GRM7: variants seen among roughly 807,000 people sequenced by gnomAD.
The protein encoded by GRM7 is glutamate metabotropic receptor 7.
In GRM7, 35 loss-of-function variants were observed where a neutral mutation model predicts 84.5. The observed-to-expected ratio is 0.41, with a 90% confidence interval of 0.32 to 0.55. GRM7 has a LOEUF of 0.55. Ranked by LOEUF, GRM7 falls within the 20% of genes least tolerant of loss-of-function variation. The probability of loss-of-function intolerance (pLI) is 0.19; values close to 1 mark genes in which losing one functional copy is unlikely to be tolerated. For synonymous variants in GRM7, 487 were observed against 455.1 expected, an observed-to-expected ratio of 1.07 and a Z score of -0.89; for missense variants, 1,003 against 1,194.6, an observed-to-expected ratio of 0.84 and a Z score of 2.36.
chr3:7,224,330 G>T (rs940264194), intron 2 of GRM7, among the ~76,000 whole-genome samples: 4 of 152,092 alleles, frequency 2.6e-5, no homozygotes, highest in Non-Finnish European at 5.9e-5. Flanking sequence ...ATGAGAATTT[G>T]CTCATTATCA....
intron 1 of GRM7, among the ~76,000 whole-genome samples, chr3:6,991,628 A>G (rs946558841): frequency 1.3e-5 from 2 of 152,086 alleles, no homozygotes; most frequent in African/African-American, 4.8e-5. Context: ...ATTTTTTTCC[A>G]ACTTTATTGA....
chr3:7,625,821 A>C (rs1697581767), intron 8 of GRM7, among the ~76,000 whole-genome samples: 1 of 152,202 alleles, frequency 6.6e-6, no homozygotes. Flanking sequence ...CAAAGGTAGG[A>C]CTTCTAAAGA....
intron 1 of GRM7, among the ~76,000 whole-genome samples, chr3:7,015,835 G>T (rs1176558689): frequency 6.6e-6 from 1 of 152,202 alleles, no homozygotes; most frequent in African/African-American, 2.4e-5. Flanking sequence ...GCAAGAAGGA[G>T]GCCAGAGTGC....
chr3:6,878,496 TG>T lies in GRM7; in HGVS notation c.519+16590del, dbSNP rs1326138814. ...CATCTAGTTTAATGAGCAAATGCTTTGTGTCTGGGACTGCAGCATGCACTAG... is the reference window on the plus strand; with the variant it reads ...CATCTAGTTTAATGAGCAAATGCTTTTGTCTGGGACTGCAGCATGCACTAG... On this transcript the variant is annotated intron_variant, in intron 1 of 9. Coordinates refer to ENST00000357716, the MANE Select transcript of GRM7 (RefSeq NM_000844.4). Among the ~76,000 whole-genome samples, 3 of 151,868 alleles carry T rather than the reference TG, an allele frequency of 2.0e-5. No homozygotes were observed. In the East Asian group the frequency reaches 5.8e-4, roughly 29 times the overall value.
intron 8 of GRM7, among the ~76,000 whole-genome samples, chr3:7,592,852 T>C (rs1695859967): frequency 6.6e-6 from 1 of 152,132 alleles, no homozygotes; most frequent in Non-Finnish European, 1.5e-5. Context: ...ATGCCATTTG[T>C]CCACTGCTGG....
At chr3:7,361,006 A>T (rs1022724287) in intron 4 of GRM7, among the ~76,000 whole-genome samples, 11 of 152,030 alleles carry the variant, frequency 7.2e-5, no homozygotes, top group African/African-American at 2.7e-4. Context: ...TCTTGAACTG[A>T]TGCCTAATTC....
intron 7 of GRM7, among the ~76,000 whole-genome samples, chr3:7,517,193 T>C (rs923133321): frequency 8.5e-5 from 13 of 152,322 alleles, no homozygotes; most frequent in African/African-American, 2.9e-4. Flanking sequence ...CCTGGTAAAA[T>C]TGAGGTAGAT....
rs1694967676 is a variant in GRM7, at chr3:7,000,335, C to G, written c.519+138428C>G. Among the ~76,000 whole-genome samples, 3 of 152,078 alleles carry G rather than the reference C, an allele frequency of 2.0e-5. No homozygotes were observed. The South Asian group carries it at 6.2e-4, about 32-fold the overall frequency. On this transcript the variant is annotated intron_variant, in intron 1 of 9. Coordinates refer to ENST00000357716, the MANE Select transcript of GRM7 (RefSeq NM_000844.4). ...TACAGGTGCCTGCAATTGCACCTGG[C>G]TAATATGTTATTTTATTTTATTTTA...
chr3:7,246,197 CT>C (rs1406546539), intron 2 of GRM7, among the ~76,000 whole-genome samples: 1 of 151,966 alleles, frequency 6.6e-6, no homozygotes, highest in East Asian at 1.9e-4. Flanking sequence ...TTTTACAATC[CT>C]TTTCTAACTC....
At chr3:7,224,775 C>G (rs920180699) in intron 2 of GRM7, among the ~76,000 whole-genome samples, 11 of 152,088 alleles carry the variant, frequency 7.2e-5, no homozygotes, top group Non-Finnish European at 1.3e-4. Context: ...TTGGTAAAGA[C>G]TGACAGAATT....
intron 6 of GRM7, among the ~76,000 whole-genome samples, chr3:7,459,706 A>G (rs1206525159): frequency 1.3e-5 from 2 of 152,166 alleles, no homozygotes; most frequent in Non-Finnish European, 2.9e-5. Flanking sequence ...GGTCCCTCCC[A>G]CAACACATAG....
At chr3:6,996,289 C>T (rs566002693) in intron 1 of GRM7, among the ~76,000 whole-genome samples, 1 of 152,112 alleles carries the variant, frequency 6.6e-6, no homozygotes, top group African/African-American at 2.4e-5. Flanking sequence ...ACCTCGTGAT[C>T]CACCTGCTTC....
rs1382085670 is a variant in GRM7 at position 7,619,374 on chromosome 3, G to T, written c.2451+40017G>T. Reference sequence around the variant, plus strand: ...CAGCACAGTGGCTGCAAGTCAGACTGTGTACACTTACAAGTTAAGGAGAAA... The same window carrying T: ...CAGCACAGTGGCTGCAAGTCAGACTTTGTACACTTACAAGTTAAGGAGAAA... On this transcript the variant is annotated intron_variant, in intron 8 of 9. Transcript: ENST00000357716. Among the ~76,000 whole-genome samples the T allele has an allele frequency of 2.6e-5, 4 of 152,020 alleles. No homozygotes were observed. The East Asian group carries it at 7.8e-4, about 29-fold the overall frequency.
At chr3:7,409,192 A>C (rs1484551704) in intron 4 of GRM7, among the ~76,000 whole-genome samples, 1 of 152,104 alleles carries the variant, frequency 6.6e-6, no homozygotes, top group African/African-American at 2.4e-5. Flanking sequence ...CCAAACACTC[A>C]GGTATACTTG....
intron 1 of GRM7, among the ~76,000 whole-genome samples, chr3:7,100,234 C>A (rs1699064392): frequency 6.6e-6 from 1 of 151,468 alleles, no homozygotes; most frequent in East Asian, 1.9e-4. Flanking sequence ...TTTTAAATGA[C>A]TGTTGAAATG....
chr3:7,727,206 T>A (rs1482574290), intron 9 of GRM7, among the ~76,000 whole-genome samples: 1 of 152,174 alleles, frequency 6.6e-6, no homozygotes, highest in Non-Finnish European at 1.5e-5. Flanking sequence ...ATCAAAAGAA[T>A]GTATTAGAAT....
At chr3:7,698,729 C>T (rs1701113598) in intron 9 of GRM7, among the ~76,000 whole-genome samples, 1 of 152,166 alleles carries the variant, frequency 6.6e-6, no homozygotes, top group African/African-American at 2.4e-5. Context: ...CACCCCAATG[C>T]TGACCATCAA....
At position 7,117,183 on chromosome 3, in the gene GRM7, G is replaced by A. The variant is rs558944744; in HGVS notation, c.520-29269G>A. Reference sequence around the variant, plus strand: ...CGCAGTGGCAGCCTTGTAAAGAAAAGAGCCAGGCCGTTTAATCTGGTGCTG... The same window carrying A: ...CGCAGTGGCAGCCTTGTAAAGAAAAAAGCCAGGCCGTTTAATCTGGTGCTG... On this transcript the variant is annotated intron_variant, in intron 1 of 9. Coordinates refer to ENST00000357716, the MANE Select transcript of GRM7 (RefSeq NM_000844.4). Among the ~76,000 whole-genome samples the A allele has an allele frequency of 2.0e-5, 3 of 152,230 alleles. No individual in the cohort carries two copies. In the East Asian group the frequency reaches 5.8e-4, roughly 30 times the overall value.
At chr3:7,215,309 A>G (rs1696563977) in intron 2 of GRM7, among the ~76,000 whole-genome samples, 2 of 152,176 alleles carry the variant, frequency 1.3e-5, no homozygotes, top group Non-Finnish European at 2.9e-5. Flanking sequence ...TCATGACTTG[A>G]GTAAATCCCA....
Sources: allele counts gnomAD v4.1 joint callset (sites outside exome capture counted in the v4.1 genomes callset), GRCh38; gene constraint gnomAD v4.1.1; transcripts MANE v1.5; gene names NCBI Gene and HGNC (gene_info 2026-07-23, HGNC 2026-07-21).